The following QTGAL variants were observed in gnomAD, a reference collection of about 807,000 sequenced individuals.
QTGAL encodes BGnT-like protein 1.
the QTGAL span, among the ~76,000 whole-genome samples, chr17:82,967,764 A>AAATAAT: frequency 2.0e-5 from 3 of 150,332 alleles, no homozygotes; most frequent in Admixed American, 6.6e-5. Context: ...GCAACTCTAC[A>AAATAAT]AATAATAATA....
At chr17:83,023,178 C>T in the QTGAL span, among the ~76,000 whole-genome samples, 3,185 of 59,556 alleles carry the variant, frequency 0.053, 2 homozygotes, top group East Asian at 0.13. Flanking sequence ...CTGTCCCCGC[C>T]CCACCTGCAC....
the QTGAL span, among the ~76,000 whole-genome samples, chr17:83,036,850 T>A: frequency 6.6e-6 from 1 of 152,106 alleles, no homozygotes; most frequent in African/African-American, 2.4e-5. Flanking sequence ...AAGGCTCAAC[T>A]TCCCCCTGCC....
the QTGAL span, chr17:83,005,982 T>C: frequency 9.0e-7 from 1 of 1,105,918 alleles, no homozygotes; most frequent in Non-Finnish European, 1.1e-6. The surrounding 1 kb of genome is among the most constrained non-coding windows in gnomAD (Gnocchi z 5.6). Flanking sequence ...CACACTCACC[T>C]TGCAGTGGGA....
At chr17:83,045,175 T>C in the QTGAL span, among the ~76,000 whole-genome samples, 4 of 152,094 alleles carry the variant, frequency 2.6e-5, no homozygotes, top group Non-Finnish European at 5.9e-5. Context: ...AGAAAACAAT[T>C]CACAAAACTT....
chr17:83,001,776 T>C, the QTGAL span, among the ~76,000 whole-genome samples: 3 of 152,182 alleles, frequency 2.0e-5, no homozygotes, highest in Non-Finnish European at 2.9e-5. Context: ...GCAATAAAGT[T>C]TTTCTTTTTC....
chr17:83,036,828 T>C, the QTGAL span, among the ~76,000 whole-genome samples: 1 of 152,122 alleles, frequency 6.6e-6, no homozygotes. Flanking sequence ...GGGAACTGCA[T>C]GTTGGGCTAA....
chr17:82,987,373 T>C, the QTGAL span, among the ~76,000 whole-genome samples: 4 of 152,238 alleles, frequency 2.6e-5, no homozygotes, highest in Non-Finnish European at 5.9e-5. Flanking sequence ...GCATGCTTCA[T>C]AGGCCACTTT....
chr17:82,964,225 C>T, the QTGAL span, among the ~76,000 whole-genome samples: 1 of 123,026 alleles, frequency 8.1e-6, no homozygotes, highest in Non-Finnish European at 1.6e-5. Flanking sequence ...CACTGCACTC[C>T]AGCCTCAGGA....
the QTGAL span, among the ~76,000 whole-genome samples, chr17:83,015,617 C>G: frequency 6.6e-6 from 1 of 152,336 alleles, no homozygotes; most frequent in Admixed American, 6.5e-5. This position sits in a 1 kb window ranked among gnomAD's most constrained non-coding sequence, Gnocchi z 4.4. Flanking sequence ...TACCAGGGTC[C>G]CAATTCCCGG....
chr17:82,988,502 A>G, the QTGAL span, among the ~76,000 whole-genome samples: 1 of 152,254 alleles, frequency 6.6e-6, no homozygotes, highest in African/African-American at 2.4e-5. Flanking sequence ...CAAAATTGAC[A>G]AATGGGACCT....
chr17:83,048,434 C>T, the QTGAL span: 521 of 1,533,086 alleles, frequency 3.4e-4, 1 homozygote, highest in African/African-American at 5.5e-3. Flanking sequence ...TAAGAAACCA[C>T]GAATTATAGT....
At chr17:82,985,313 A>T in the QTGAL span, among the ~76,000 whole-genome samples, 1 of 152,224 alleles carries the variant, frequency 6.6e-6, no homozygotes, top group Non-Finnish European at 1.5e-5. Flanking sequence ...AATGAACATA[A>T]AACTTGACTT....
At chr17:83,010,518 C>T in the QTGAL span, among the ~76,000 whole-genome samples, 1 of 152,242 alleles carries the variant, frequency 6.6e-6, no homozygotes, top group Admixed American at 6.5e-5. Context: ...GGAAGTCACA[C>T]ACCGGTCTGG....
At chr17:83,010,225 G>A in the QTGAL span, among the ~76,000 whole-genome samples, 6 of 152,140 alleles carry the variant, frequency 3.9e-5, no homozygotes, top group Non-Finnish European at 5.9e-5. Flanking sequence ...CCACGCCCCA[G>A]GGTCCAGAGT....
At chr17:82,950,167 A>T in the QTGAL span, among the ~76,000 whole-genome samples, 1 of 152,222 alleles carries the variant, frequency 6.6e-6, no homozygotes, top group Non-Finnish European at 1.5e-5. Context: ...AACAAGCAAG[A>T]GACAGGTGAC....
At chr17:83,032,165 C>T in the QTGAL span, among the ~76,000 whole-genome samples, 1 of 136,578 alleles carries the variant, frequency 7.3e-6, no homozygotes, top group African/African-American at 2.9e-5. Flanking sequence ...GCCTCCGACG[C>T]AGACCGAACT....
chr17:83,012,326 G>A, the QTGAL span, among the ~76,000 whole-genome samples: 1 of 152,188 alleles, frequency 6.6e-6, no homozygotes, highest in Non-Finnish European at 1.5e-5. Flanking sequence ...ATGCCACGAA[G>A]AACTGCCAAA....
the QTGAL span, chr17:83,005,977 T>G: frequency 8.9e-7 from 1 of 1,120,500 alleles, no homozygotes; most frequent in Non-Finnish European, 1.1e-6. This position sits in a 1 kb window ranked among gnomAD's most constrained non-coding sequence, Gnocchi z 5.6. Context: ...GGGCTCACAC[T>G]CACCTTGCAG....
the QTGAL span, chr17:82,956,685 C>T: frequency 6.4e-7 from 1 of 1,566,848 alleles, no homozygotes; most frequent in East Asian, 2.4e-5. This position sits in a 1 kb window ranked among gnomAD's most constrained non-coding sequence, Gnocchi z 5.7. Flanking sequence ...GCCAAGGGCC[C>T]CACACTCACC....
Sources: allele counts gnomAD v4.1 joint callset (sites outside exome capture counted in the v4.1 genomes callset), GRCh38; gene constraint gnomAD v4.1.1; non-coding constraint Gnocchi (gnomAD v3.1); transcripts MANE v1.5; gene names NCBI Gene and HGNC (gene_info 2026-07-23, HGNC 2026-07-21).